GALNT13: variants seen among roughly 807,000 people sequenced by gnomAD.
GALNT13 encodes the protein UDP-GalNAc:polypeptide N-acetylgalactosaminyltransferase 13.
A neutral mutation model predicts 64.2 loss-of-function variants in GALNT13; 28 were observed. That is an observed-to-expected ratio of 0.44 (90% CI 0.32 to 0.60). The LOEUF (loss-of-function observed/expected upper bound fraction) is 0.60, where lower values mean the gene tolerates loss of function less well. Among genes scored for constraint, GALNT13 ranks in the 20% least tolerant of loss-of-function variants. The pLI, the probability that GALNT13 is intolerant of heterozygous loss-of-function variation, is 0.05. For missense variants in GALNT13, 577 were observed against 669.8 expected (o/e 0.86, Z 1.53); for synonymous variants, 214 against 224.6 (o/e 0.95, Z 0.42).
At chr2:153,685,909 T>C in the GALNT13 span, among the ~76,000 whole-genome samples, 1 of 151,970 alleles carries the variant, frequency 6.6e-6, no homozygotes, top group South Asian at 2.1e-4. Flanking sequence ...AATACCTTCC[T>C]CATTGCTTGT....
chr2:154,112,214 A>C (rs2105492961), intron 3 of GALNT13, among the ~76,000 whole-genome samples: 1 of 152,276 alleles, frequency 6.6e-6, no homozygotes, highest in Non-Finnish European at 1.5e-5. Flanking sequence ...CTGGCAAATT[A>C]GGCACTCAGC....
chr2:153,471,896 A>C, the GALNT13 span, among the ~76,000 whole-genome samples: 1 of 152,240 alleles, frequency 6.6e-6, no homozygotes, highest in East Asian at 1.9e-4. Flanking sequence ...ACAAATAAAT[A>C]ATGTAAAACA....
the GALNT13 span, among the ~76,000 whole-genome samples, chr2:153,356,233 G>T: frequency 6.6e-6 from 1 of 152,168 alleles, no homozygotes; most frequent in East Asian, 1.9e-4. Flanking sequence ...AAGTAGATTT[G>T]ATGACCATGG....
chr2:154,120,748 T>C (rs1307392147), intron 3 of GALNT13, among the ~76,000 whole-genome samples: 2 of 152,200 alleles, frequency 1.3e-5, no homozygotes, highest in Non-Finnish European at 2.9e-5. Flanking sequence ...CAAGGTAAGT[T>C]AAACTTCCCA....
At chr2:154,099,166 A>G (rs531648696) in intron 3 of GALNT13, among the ~76,000 whole-genome samples, 206 of 152,232 alleles carry the variant, frequency 1.4e-3, no homozygotes, top group Non-Finnish European at 2.7e-3. Flanking sequence ...TTGTCTAACA[A>G]TTAGTGATGT....
intron 4 of GALNT13, among the ~76,000 whole-genome samples, chr2:154,167,633 A>G (rs1458806789): frequency 6.6e-6 from 1 of 152,152 alleles, no homozygotes; most frequent in East Asian, 1.9e-4. Context: ...CACTGAACAC[A>G]GAGGGAGGGC....
At chr2:153,562,725 C>T in the GALNT13 span, among the ~76,000 whole-genome samples, 1 of 152,166 alleles carries the variant, frequency 6.6e-6, no homozygotes, top group African/African-American at 2.4e-5. Context: ...ATTCAAAATC[C>T]TGAGTTCATA....
At chr2:153,340,528 G>A in the GALNT13 span, among the ~76,000 whole-genome samples, 2 of 152,014 alleles carry the variant, frequency 1.3e-5, no homozygotes, top group African/African-American at 2.4e-5. Context: ...ATTGGTGTGT[G>A]CCTGTAATCC....
At chr2:153,611,990 G>T in the GALNT13 span, among the ~76,000 whole-genome samples, 2 of 151,904 alleles carry the variant, frequency 1.3e-5, no homozygotes, top group Non-Finnish European at 2.9e-5. Flanking sequence ...GTTTGCTGAG[G>T]ATGATGGTTT....
chr2:153,554,599 A>T, the GALNT13 span, among the ~76,000 whole-genome samples: 1 of 152,054 alleles, frequency 6.6e-6, no homozygotes, highest in African/African-American at 2.4e-5. Flanking sequence ...TGTTGAACCA[A>T]ATATTAGTGT....
At chr2:154,283,573 G>A (rs1254354493) in intron 8 of GALNT13, among the ~76,000 whole-genome samples, 14 of 79,944 alleles carry the variant, frequency 1.8e-4, no homozygotes, top group South Asian at 6.2e-4. Context: ...GCGAGACTCC[G>A]TCTCAAAAAA....
chr2:153,507,793 T>G, the GALNT13 span, among the ~76,000 whole-genome samples: 1 of 152,190 alleles, frequency 6.6e-6, no homozygotes, highest in African/African-American at 2.4e-5. Context: ...CTCATTTGGG[T>G]GGACTACGTC....
At chr2:153,776,514 T>G in the GALNT13 span, among the ~76,000 whole-genome samples, 1 of 152,318 alleles carries the variant, frequency 6.6e-6, no homozygotes, top group Non-Finnish European at 1.5e-5. Flanking sequence ...TATTAAGTTA[T>G]TTTTTGTAGC....
rs75160793 is a variant in GALNT13 at position 154,225,053 on chromosome 2, C to A, written c.312-16977C>A. Among the ~76,000 whole-genome samples, 1,025 of 151,540 alleles carry A rather than the reference C, an allele frequency of 6.8e-3. 9 individuals are homozygous for A. The highest frequency in any genetic ancestry group is 0.024 in the African/African-American group (991 of 41,310). On this transcript the variant is annotated intron_variant, in intron 4 of 12. Transcript: ENST00000392825. ...AAGCAAATAAACAAAAACCCTCCAACACAATAATGAATGAAAGACTAGAAA... is the reference window on the plus strand; with the variant it reads ...AAGCAAATAAACAAAAACCCTCCAAAACAATAATGAATGAAAGACTAGAAA...
intron 9 of GALNT13, among the ~76,000 whole-genome samples, chr2:154,381,462 A>G (rs1698266342): frequency 6.6e-6 from 1 of 152,058 alleles, no homozygotes; most frequent in African/African-American, 2.4e-5. Context: ...GTAATCTCAC[A>G]TTTGTTAATT....
intron 2 of GALNT13, among the ~76,000 whole-genome samples, chr2:153,936,725 A>G (rs1474853088): frequency 1.3e-5 from 2 of 151,842 alleles, no homozygotes; most frequent in African/African-American, 4.8e-5. Flanking sequence ...AATTAAATTT[A>G]ATTTTTTTTT....
At position 154,376,232 on chromosome 2, in the gene GALNT13, G is replaced by A. The variant is rs572991285; in HGVS notation, c.1157-19759G>A. Among the ~76,000 whole-genome samples the A allele has an allele frequency of 1.5e-3, 225 of 152,170 alleles. 1 individual carries two copies. Among genetic ancestry groups the A allele is most frequent in the African/African-American group, 4.9e-3 (203 of 41,540 alleles). Reference sequence around the variant, plus strand: ...TCACTTTTTTTCTTTTCTAAAAATTGTATTACTTTTAATGAGCAAATCTCA... The same window carrying A: ...TCACTTTTTTTCTTTTCTAAAAATTATATTACTTTTAATGAGCAAATCTCA... On this transcript the variant is annotated intron_variant, in intron 9 of 12. Transcript: ENST00000392825.
chr2:154,279,231 C>T (rs1691826246), intron 8 of GALNT13, among the ~76,000 whole-genome samples: 1 of 152,034 alleles, frequency 6.6e-6, no homozygotes, highest in Non-Finnish European at 1.5e-5. Context: ...TGTCATGTGC[C>T]TAGAAATTGG....
chr2:153,146,845 G>A, the GALNT13 span, among the ~76,000 whole-genome samples: 1 of 151,848 alleles, frequency 6.6e-6, no homozygotes, highest in Non-Finnish European at 1.5e-5. Flanking sequence ...TTGCTCATGG[G>A]ATTTATACTT....
Sources: gnomAD v4.1 joint callset for allele counts (sites outside exome capture counted in the v4.1 genomes callset) on GRCh38, gnomAD v4.1.1 for gene constraint, MANE v1.5 for transcripts, NCBI Gene and HGNC (gene_info 2026-07-23, HGNC 2026-07-21) for gene names.